Variants in KIF26B observed in about 807,000 individuals in gnomAD.
KIF26B encodes the protein kinesin family member 26B, also known as kinesin-like protein KIF26B.
Under a neutral mutation model 151.2 loss-of-function variants are expected in KIF26B, and 63 were observed. The ratio of observed to expected loss-of-function variants is 0.42; its 90% CI spans 0.34 to 0.51. The LOEUF (loss-of-function observed/expected upper bound fraction) is 0.51. Among genes scored for constraint, KIF26B ranks in the 20% least tolerant of loss-of-function variants. The pLI is 0.07. For missense variants in KIF26B, 2,813 were observed against 2,913.6 expected (o/e 0.97, Z 0.79); for synonymous variants, 1,357 against 1,262.1 (o/e 1.08, Z -1.59).
chr1:245,513,007 G>A (rs1167228345), intron 4 of KIF26B, among the ~76,000 whole-genome samples: 2 of 152,190 alleles, frequency 1.3e-5, no homozygotes, highest in East Asian at 3.9e-4. Flanking sequence ...GGTTAGGGGA[G>A]ACAGACAGTC....
intron 5 of KIF26B, among the ~76,000 whole-genome samples, chr1:245,593,434 T>G (rs1168033534): frequency 1.3e-5 from 2 of 152,214 alleles, no homozygotes; most frequent in Non-Finnish European, 2.9e-5. Flanking sequence ...TGGTTTTCTA[T>G]TCCTGTATTA....
At position 245,698,817 on chromosome 1, in the gene KIF26B, C is replaced by CA; in HGVS notation, c.6028-69dup. Reference sequence around the variant, plus strand: ...CAGCCTGTTTTCCATCAACGATACTCACAGGTGCTCCTGTGGTGTGGGCTG... The same window carrying CA: ...CAGCCTGTTTTCCATCAACGATACTCAACAGGTGCTCCTGTGGTGTGGGCTG... On this transcript the variant is annotated intron_variant, in intron 13 of 14. Transcript: ENST00000407071. The surrounding 1 kb of genome is among the most constrained non-coding windows in gnomAD (Gnocchi z 4.0). 1 of 1,543,282 alleles carries CA rather than the reference C, an allele frequency of 6.5e-7. No individual in the cohort carries two copies. The highest frequency in any genetic ancestry group is 8.8e-7 in the Non-Finnish European group (1 of 1,137,026).
chr1:245,418,866 C>A (rs891889904), intron 3 of KIF26B, among the ~76,000 whole-genome samples: 1 of 152,070 alleles, frequency 6.6e-6, no homozygotes, highest in Admixed American at 6.6e-5. Context: ...CAGCTTATTA[C>A]GTAGATTTAG....
At chr1:245,163,921 C>T (rs1377624614) in intron 2 of KIF26B, among the ~76,000 whole-genome samples, 1 of 152,050 alleles carries the variant, frequency 6.6e-6, no homozygotes, top group African/African-American at 2.4e-5. Context: ...AAAATTTTGT[C>T]TTCTTCAAAT....
chr1:245,270,363 T>A (rs1670836867), intron 2 of KIF26B, among the ~76,000 whole-genome samples: 2 of 148,230 alleles, frequency 1.3e-5, no homozygotes, highest in Admixed American at 6.8e-5. Flanking sequence ...TCCCTTCCCT[T>A]CCCTTTTTCT....
chr1:245,647,912 T>C (rs2043971292), intron 10 of KIF26B, among the ~76,000 whole-genome samples: 1 of 152,236 alleles, frequency 6.6e-6, no homozygotes, highest in African/African-American at 2.4e-5. Context: ...CCGGCTCTTG[T>C]AACAACCCTT....
intron 2 of KIF26B, among the ~76,000 whole-genome samples, chr1:245,271,918 A>C (rs1042641177): frequency 2.0e-5 from 3 of 152,192 alleles, no homozygotes; most frequent in Non-Finnish European, 4.4e-5. Context: ...GGAGAGTTTG[A>C]GAAGGATTGG....
intron 3 of KIF26B, among the ~76,000 whole-genome samples, chr1:245,373,199 T>G (rs1673167699): frequency 6.6e-6 from 1 of 152,214 alleles, no homozygotes; most frequent in African/African-American, 2.4e-5. Flanking sequence ...AATGTTGTTC[T>G]TTATTAGAGA....
intron 2 of KIF26B, among the ~76,000 whole-genome samples, chr1:245,232,804 C>T (rs1025211646): frequency 6.6e-6 from 1 of 152,196 alleles, no homozygotes; most frequent in Non-Finnish European, 1.5e-5. Context: ...CCCGCCTTGG[C>T]GTCCCAAACT....
Position 245,578,388 on chromosome 1 carries a change from G to A in KIF26B, c.1351-24189G>A, listed in dbSNP as rs182152961. On this transcript the variant is annotated intron_variant, in intron 5 of 14. Transcript: ENST00000407071. ...CCTTGTGTGCAAGTCCTGATTCACA[G>A]AGTTTCTTTGGCACTTTTGCTTAAG... 1.5e-3 allele frequency among the ~76,000 whole-genome samples: 224 copies of A among 152,338 alleles called. 2 individuals carry two copies. Among genetic ancestry groups the A allele is most frequent in the Non-Finnish European group, 2.6e-3 (176 of 68,032 alleles).
chr1:245,655,974 G>A (rs1230879336), intron 10 of KIF26B, among the ~76,000 whole-genome samples: 4 of 152,172 alleles, frequency 2.6e-5, no homozygotes, highest in Non-Finnish European at 4.4e-5. Context: ...CAAAAGAACT[G>A]GTGGAGGAAT....
At chr1:245,630,751 ATAAAT>A (rs2043772619) in intron 9 of KIF26B, among the ~76,000 whole-genome samples, 2 of 152,156 alleles carry the variant, frequency 1.3e-5, no homozygotes, top group African/African-American at 4.8e-5. Flanking sequence ...AAGTAAATAA[ATAAAT>A]AAATAAATAA....
chr1:245,347,536 G>A (rs1672479560), intron 2 of KIF26B, among the ~76,000 whole-genome samples: 1 of 152,014 alleles, frequency 6.6e-6, no homozygotes, highest in Non-Finnish European at 1.5e-5. Context: ...TTTCCAGGCT[G>A]GTCTTGAACT....
chr1:245,496,964 A>G (rs77312871), intron 4 of KIF26B, among the ~76,000 whole-genome samples: 12,924 of 151,582 alleles, frequency 0.085, 937 homozygotes, highest in African/African-American at 0.19. Flanking sequence ...GACCAGCCTG[A>G]CCAACATGGA....
At chr1:245,160,087 T>C (rs1573679366) in intron 2 of KIF26B, among the ~76,000 whole-genome samples, 1 of 152,344 alleles carries the variant, frequency 6.6e-6, no homozygotes, top group Non-Finnish European at 1.5e-5. Flanking sequence ...GACTGGCGTG[T>C]AGAAGTGACA....
At chr1:245,215,408 G>A (rs1669625119) in intron 2 of KIF26B, among the ~76,000 whole-genome samples, 3 of 152,124 alleles carry the variant, frequency 2.0e-5, no homozygotes, top group African/African-American at 4.8e-5. Context: ...TGCCTGATGC[G>A]TGAACAGGCC....
At chr1:245,451,643 C>T (rs887807028) in intron 4 of KIF26B, among the ~76,000 whole-genome samples, 3 of 136,552 alleles carry the variant, frequency 2.2e-5, no homozygotes, top group African/African-American at 8.5e-5. Flanking sequence ...TGCTCTCTCA[C>T]CCAGGCAAGT....
chr1:245,232,494 A>C (rs1325773908), intron 2 of KIF26B, among the ~76,000 whole-genome samples: 1 of 150,790 alleles, frequency 6.6e-6, no homozygotes, highest in Admixed American at 6.6e-5. Flanking sequence ...TAGATGCACT[A>C]TTTACCTCCT....
chr1:245,480,404 C>T (rs1213529480), intron 4 of KIF26B, among the ~76,000 whole-genome samples: 4 of 151,660 alleles, frequency 2.6e-5, no homozygotes, highest in Admixed American at 2.6e-4. Context: ...TGAGGGACTG[C>T]CATACTGGGC....
Sources: gnomAD v4.1 joint callset for allele counts (sites outside exome capture counted in the v4.1 genomes callset) on GRCh38, gnomAD v4.1.1 for gene constraint, Gnocchi (gnomAD v3.1) non-coding constraint, MANE v1.5 for transcripts, NCBI Gene and HGNC (gene_info 2026-07-23, HGNC 2026-07-21) for gene names.